Variants in RANBP17 observed in about 807,000 individuals in gnomAD.
RANBP17 encodes RAN binding protein 17.
Under a neutral mutation model 141.2 loss-of-function variants are expected in RANBP17, and 158 were observed. The ratio of observed to expected loss-of-function variants is 1.12; its 90% CI spans 0.98 to 1.28. The LOEUF (loss-of-function observed/expected upper bound fraction) is 1.28, where lower values mean the gene tolerates loss of function less well. Ranked by LOEUF, RANBP17 falls within the 50% of genes most tolerant of loss-of-function variation. The pLI is 0.00. For missense variants in RANBP17, 1,438 were observed against 1,290.7 expected, an observed-to-expected ratio of 1.11 and a Z score of -1.75; for synonymous variants, 430 against 450.0, an observed-to-expected ratio of 0.96 and a Z score of 0.56.
intron 24 of RANBP17, 90 bp from the exon 25 acceptor site, chr5:171,265,591 A>G (rs373473509): frequency 1.1e-5 from 13 of 1,213,252 alleles, no homozygotes; most frequent in South Asian, 9.4e-5. Flanking sequence ...TTGAAACCAG[A>G]AAGTAATTAT....
intron 14 of RANBP17, among the ~76,000 whole-genome samples, chr5:171,155,096 T>TAA (rs1214305006): frequency 1.2e-5 from 1 of 82,612 alleles, no homozygotes; most frequent in Non-Finnish European, 2.5e-5. Context: ...AAAAAAAAAA[T>TAA]ATATATATAT....
In RANBP17 at chr5:171,110,521, A is replaced by G. The variant is rs373843248; in HGVS notation, c.1711-59609A>G. The stretch of plus-strand genomic sequence containing the variant: ...TCTCATGAGCTTTATAGGGGAGGCA[A>G]AAACTTTTCCCTCTACTCCTTCTAC... On this transcript the variant is annotated intron_variant, in intron 14 of 27. Coordinates refer to ENST00000523189, the MANE Select transcript of RANBP17 (RefSeq NM_022897.5). Among the ~76,000 whole-genome samples the G allele has an allele frequency of 4.1e-4, 63 of 152,228 alleles. 2 individuals carry two copies. In the South Asian group the frequency reaches 0.013, roughly 31 times the overall value.
At chr5:170,862,813 C>G (rs926291578) in intron 1 of RANBP17, among the ~76,000 whole-genome samples, 4 of 152,170 alleles carry the variant, frequency 2.6e-5, no homozygotes, top group African/African-American at 9.7e-5. Flanking sequence ...GTGGAAAGTT[C>G]TGGGGATAAA....
chr5:171,212,618 G>A (rs995889320), intron 20 of RANBP17, among the ~76,000 whole-genome samples: 3 of 152,200 alleles, frequency 2.0e-5, no homozygotes, highest in Non-Finnish European at 4.4e-5. Context: ...GAAGAAAATT[G>A]TGATGACCTC....
Position 171,137,970 on chromosome 5 carries a change from T to C in RANBP17, c.1711-32160T>C, listed in dbSNP as rs368513982. On this transcript the variant is annotated intron_variant, in intron 14 of 27. Transcript: ENST00000523189. ...TATGAGATATATATATATATATATA[T>C]ACACACACACTGAATCACTTTGTAA... Among the ~76,000 whole-genome samples, 578 of 148,296 alleles carry C rather than the reference T, an allele frequency of 3.9e-3. 4 individuals carry two copies. Among genetic ancestry groups the C allele is most frequent in the African/African-American group, 0.01 (419 of 40,102 alleles).
intron 14 of RANBP17, among the ~76,000 whole-genome samples, chr5:171,018,728 C>CAA (rs1780628196): frequency 6.6e-6 from 1 of 152,162 alleles, no homozygotes; most frequent in African/African-American, 2.4e-5. Context: ...TTCCTTTCTT[C>CAA]CTATTTGAAT....
chr5:170,908,786 C>T (rs138211880), intron 5 of RANBP17, among the ~76,000 whole-genome samples: 23 of 151,876 alleles, frequency 1.5e-4, no homozygotes, highest in African/African-American at 4.6e-4. Flanking sequence ...ATATGGCAAT[C>T]GAGTATAATC....
chr5:171,203,596 C>T (rs971860800), intron 19 of RANBP17, among the ~76,000 whole-genome samples: 1 of 151,736 alleles, frequency 6.6e-6, no homozygotes, highest in Non-Finnish European at 1.5e-5. Context: ...CATTTTGCCA[C>T]TTTAAAAAAA....
At chr5:170,932,943 A>T (rs1773522958) in intron 12 of RANBP17, among the ~76,000 whole-genome samples, 1 of 151,932 alleles carries the variant, frequency 6.6e-6, no homozygotes, top group South Asian at 2.1e-4. Context: ...ATTAGGGAGG[A>T]TTCCCTCTTT....
At chr5:171,025,628 T>G (rs1348716457) in intron 14 of RANBP17, among the ~76,000 whole-genome samples, 1 of 151,012 alleles carries the variant, frequency 6.6e-6, no homozygotes, top group African/African-American at 2.4e-5. Context: ...CAGGCTGGAG[T>G]GCAGTGATGT....
At chr5:170,950,837 C>G (rs1011615634) in intron 12 of RANBP17, among the ~76,000 whole-genome samples, 1 of 152,026 alleles carries the variant, frequency 6.6e-6, no homozygotes, top group Non-Finnish European at 1.5e-5. Context: ...CCTACATTCC[C>G]GTTGATGGAT....
chr5:170,884,903 A>G (rs923943801), intron 3 of RANBP17, among the ~76,000 whole-genome samples: 13 of 92,316 alleles, frequency 1.4e-4, no homozygotes, highest in East Asian at 5.0e-4. Flanking sequence ...ACTCATCTCC[A>G]TAAAATCATC....
At chr5:170,928,447 G>GT (rs915274333) in intron 12 of RANBP17, among the ~76,000 whole-genome samples, 4 of 152,092 alleles carry the variant, frequency 2.6e-5, no homozygotes, top group African/African-American at 9.6e-5. Context: ...TATGATTTCT[G>GT]TAAGTTTAAT....
At chr5:171,186,638 G>A (rs925068344) in intron 18 of RANBP17, among the ~76,000 whole-genome samples, 6 of 131,538 alleles carry the variant, frequency 4.6e-5, no homozygotes, top group East Asian at 4.9e-4. Context: ...CCGGGTTCAC[G>A]CCATTCTCCT....
intron 21 of RANBP17, among the ~76,000 whole-genome samples, chr5:171,216,077 T>G (rs1462520647): frequency 6.6e-6 from 1 of 152,206 alleles, no homozygotes; most frequent in Non-Finnish European, 1.5e-5. Flanking sequence ...TGAGTTAATT[T>G]TTGCATAAGG....
chr5:171,093,683 C>T (rs1054520693), intron 14 of RANBP17, among the ~76,000 whole-genome samples: 1 of 152,146 alleles, frequency 6.6e-6, no homozygotes, highest in African/African-American at 2.4e-5. Flanking sequence ...TAGTTTTATG[C>T]AGTCTGGCAA....
At chr5:170,911,813 A>G (rs1333124751) in intron 7 of RANBP17, among the ~76,000 whole-genome samples, 1 of 151,878 alleles carries the variant, frequency 6.6e-6, no homozygotes, top group Non-Finnish European at 1.5e-5. Context: ...ATACCAAGAA[A>G]AAGGAAGCTA....
At chr5:171,261,946 A>G (rs1010885721) in intron 24 of RANBP17, among the ~76,000 whole-genome samples, 1 of 152,194 alleles carries the variant, frequency 6.6e-6, no homozygotes, top group African/African-American at 2.4e-5. Flanking sequence ...ATCTACCTTG[A>G]AAATAACATT....
intron 14 of RANBP17, among the ~76,000 whole-genome samples, chr5:171,032,046 AT>A (rs1405048446): frequency 1.3e-5 from 2 of 152,098 alleles, no homozygotes; most frequent in African/African-American, 2.4e-5. Flanking sequence ...ACAAATAGTG[AT>A]TTACTTTCAG....
Sources: gnomAD v4.1 joint callset for allele counts (sites outside exome capture counted in the v4.1 genomes callset) on GRCh38, gnomAD v4.1.1 for gene constraint, MANE v1.5 for transcripts, NCBI Gene and HGNC (gene_info 2026-07-23, HGNC 2026-07-21) for gene names.